The following HTR4 variants were observed in gnomAD, a reference collection of about 807,000 sequenced individuals.
The protein encoded by HTR4 is 5-hydroxytryptamine receptor 4.
Under a neutral mutation model 36.8 loss-of-function variants are expected in HTR4, and 16 were observed. That is an observed-to-expected ratio of 0.43 (90% confidence interval 0.29 to 0.66). The LOEUF (loss-of-function observed/expected upper bound fraction) is 0.66. HTR4 is among the 30% of genes least tolerant of loss of function. HTR4 has a pLI of 0.13. For synonymous variants in HTR4, 189 were observed against 185.1 expected, an observed-to-expected ratio of 1.02 and a Z score of -0.17; for missense variants, 438 against 490.9, an observed-to-expected ratio of 0.89 and a Z score of 1.02.
intron 2 of HTR4, among the ~76,000 whole-genome samples, chr5:148,557,753 A>C (rs2113861379): frequency 6.7e-6 from 1 of 148,488 alleles, no homozygotes; most frequent in East Asian, 2.0e-4. Context: ...ATATGTATGT[A>C]TAATACATAT....
At chr5:148,625,096 T>C (rs1054230857) in intron 2 of HTR4, among the ~76,000 whole-genome samples, 17 of 151,950 alleles carry the variant, frequency 1.1e-4, no homozygotes, top group African/African-American at 3.9e-4. Context: ...AAGTAGGAAA[T>C]TGGTGAAAGA....
chr5:148,510,352 G>A (rs1465946841), intron 5 of HTR4, among the ~76,000 whole-genome samples: 2 of 152,132 alleles, frequency 1.3e-5, no homozygotes, highest in African/African-American at 4.8e-5. Context: ...GGAACTGAAG[G>A]CTCCAGGACA....
chr5:148,621,170 A>G (rs539385741), intron 2 of HTR4, among the ~76,000 whole-genome samples: 1 of 152,344 alleles, frequency 6.6e-6, no homozygotes, highest in Admixed American at 6.5e-5. Context: ...GAAATTCAAG[A>G]ATATTTAACT....
rs188882646 is a variant in HTR4, at chr5:148,517,701, G to A, written c.507+5492C>T. On this transcript the variant is annotated intron_variant, in intron 5 of 6. Transcript: ENST00000377888. ...GATCCAGATTCTAAATTACAATCTC[G>A]ATTGTTATCACTGAGGTTGGAGTAC... Among the ~76,000 whole-genome samples, 11 of 151,734 alleles carry A rather than the reference G, an allele frequency of 7.2e-5. 1 individual carries two copies. Among genetic ancestry groups the A allele is most frequent in the Admixed American group, 7.2e-4 (11 of 15,252 alleles).
At chr5:148,564,859 C>T (rs1473008671) in intron 2 of HTR4, among the ~76,000 whole-genome samples, 1 of 152,060 alleles carries the variant, frequency 6.6e-6, no homozygotes, top group East Asian at 1.9e-4. Context: ...CGCCTGTAAT[C>T]CCAGCACTTT....
intron 2 of HTR4, among the ~76,000 whole-genome samples, chr5:148,587,109 G>C (rs955026944): frequency 1.3e-5 from 2 of 152,076 alleles, no homozygotes; most frequent in Non-Finnish European, 2.9e-5. Context: ...CGTACCTGCT[G>C]GACCTCTGGA....
intron 5 of HTR4, among the ~76,000 whole-genome samples, chr5:148,459,164 A>T (rs759906020): frequency 6.6e-6 from 1 of 152,080 alleles, no homozygotes; most frequent in Non-Finnish European, 1.5e-5. Context: ...ATGGGCATGG[A>T]GTTGGCATGA....
chr5:148,481,815 T>C lies in HTR4; in HGVS notation c.*1388A>G. 1 of 1,346,270 alleles carries C rather than the reference T, an allele frequency of 7.4e-7. No homozygotes were observed. Among genetic ancestry groups the C allele is most frequent in the Non-Finnish European group, 9.5e-7 (1 of 1,056,106 alleles). 83.4% of individuals were successfully genotyped at this position (1,346,270 alleles called of 1,614,324 possible). On this transcript the variant is annotated 3_prime_UTR_variant, in exon 7 of 7. Coordinates refer to ENST00000377888, the MANE Select transcript of HTR4 (RefSeq NM_000870.7). ...GCTATGGGGCATTCGCAAGAGCCAC[T>C]GACTCAGCTTTGAATAAAAGACATC...
intron 2 of HTR4, among the ~76,000 whole-genome samples, chr5:148,627,976 A>T (rs555113197): frequency 6.6e-6 from 1 of 152,366 alleles, no homozygotes; most frequent in Admixed American, 6.5e-5. Context: ...GAACAACTGT[A>T]CGCTGTGGCT....
intron 1 of HTR4, among the ~76,000 whole-genome samples, chr5:148,647,666 C>T (rs1462339404): frequency 2.6e-5 from 4 of 152,082 alleles, no homozygotes; most frequent in Non-Finnish European, 4.4e-5. Context: ...CTGGCCAACA[C>T]GGTGAAATCC....
chr5:148,596,639 C>T (rs1761788265), intron 2 of HTR4, among the ~76,000 whole-genome samples: 1 of 151,528 alleles, frequency 6.6e-6, no homozygotes, highest in Non-Finnish European at 1.5e-5. Flanking sequence ...CTGCGACAAC[C>T]AAAAACATCT....
At chr5:148,461,594 A>G (rs555552968) in intron 5 of HTR4, among the ~76,000 whole-genome samples, 2 of 152,152 alleles carry the variant, frequency 1.3e-5, no homozygotes, top group South Asian at 4.1e-4. Context: ...GCATACACAT[A>G]AGAACAGAAC....
At chr5:148,566,977 A>G (rs1760469548) in intron 2 of HTR4, among the ~76,000 whole-genome samples, 2 of 151,894 alleles carry the variant, frequency 1.3e-5, no homozygotes, top group African/African-American at 4.8e-5. Flanking sequence ...TTTTTTCAAA[A>G]TGCATTGCCT....
At chr5:148,568,541 T>C (rs556503862) in intron 2 of HTR4, among the ~76,000 whole-genome samples, 4 of 152,128 alleles carry the variant, frequency 2.6e-5, no homozygotes, top group Non-Finnish European at 5.9e-5. Flanking sequence ...ACTCTTCTTT[T>C]TACAAATTGT....
At chr5:148,470,424 A>G (rs980858023) in intron 5 of HTR4, among the ~76,000 whole-genome samples, 3 of 152,246 alleles carry the variant, frequency 2.0e-5, no homozygotes, top group African/African-American at 4.8e-5. Context: ...CATTCTGACT[A>G]TAGAATAGGA....
chr5:148,632,426 T>C (rs1753356285), intron 2 of HTR4, among the ~76,000 whole-genome samples: 1 of 152,190 alleles, frequency 6.6e-6, no homozygotes, highest in Non-Finnish European at 1.5e-5. Flanking sequence ...AATGAGGTTG[T>C]TCTTATTAAA....
At chr5:148,457,110 G>A (rs1755118706) in intron 5 of HTR4, among the ~76,000 whole-genome samples, 1 of 152,020 alleles carries the variant, frequency 6.6e-6, no homozygotes, top group Admixed American at 6.6e-5. Context: ...GGCATTATCT[G>A]TAAATGGCTT....
chr5:148,522,738 T>A (rs969070434), intron 5 of HTR4, among the ~76,000 whole-genome samples: 1 of 152,044 alleles, frequency 6.6e-6, no homozygotes, highest in Non-Finnish European at 1.5e-5. Context: ...TGGGGGTTAG[T>A]GGATGGAAAA....
intron 4 of HTR4, among the ~76,000 whole-genome samples, chr5:148,531,895 G>C (rs998960305): frequency 4.6e-5 from 7 of 152,126 alleles, no homozygotes; most frequent in Non-Finnish European, 1.0e-4. Flanking sequence ...GGGGACATTT[G>C]ACAATGTCTG....
Sources: allele counts gnomAD v4.1 joint callset (sites outside exome capture counted in the v4.1 genomes callset), GRCh38; gene constraint gnomAD v4.1.1; transcripts MANE v1.5; gene names NCBI Gene and HGNC (gene_info 2026-07-23, HGNC 2026-07-21).